GRSF1: variants seen among roughly 807,000 people sequenced by gnomAD.
The protein encoded by GRSF1 is G-rich sequence factor 1.
Under a neutral mutation model 51.1 loss-of-function variants are expected in GRSF1, and 50 were observed. That is an observed-to-expected ratio of 0.98 (90% CI 0.78 to 1.24). The LOEUF is 1.24. Among genes scored for constraint, GRSF1 ranks in the 50% most tolerant of loss-of-function variants. The probability of loss-of-function intolerance (pLI) is 0.00; values close to 1 mark genes in which losing one functional copy is unlikely to be tolerated. For missense variants in GRSF1, 700 were observed against 639.7 expected (o/e 1.09, Z -1.02); for synonymous variants, 293 against 253.3 (o/e 1.16, Z -1.49).
At chr4:70,829,418 G>A (rs939395545) in intron 5 of GRSF1, among the ~76,000 whole-genome samples, 2 of 151,810 alleles carry the variant, frequency 1.3e-5, no homozygotes, top group Non-Finnish European at 2.9e-5. Context: ...TACTTTGGGA[G>A]GCTGAGGCAG....
intron 6 of GRSF1, among the ~76,000 whole-genome samples, chr4:70,827,643 C>T (rs140948832): frequency 0.011 from 1,603 of 151,646 alleles, 12 homozygotes; most frequent in Non-Finnish European, 0.016. Context: ...CTGCGCGTGG[C>T]GGCATGCGCC....
chr4:70,842,499 G>A (rs1734479132), upstream of GRSF1, among the ~76,000 whole-genome samples: 1 of 152,082 alleles, frequency 6.6e-6, no homozygotes. Context: ...GCAGTGGTGG[G>A]AATATGACTC....
chr4:70,823,706 C>CA (rs1733615200), intron 9 of GRSF1, among the ~76,000 whole-genome samples: 1 of 151,572 alleles, frequency 6.6e-6, no homozygotes, highest in African/African-American at 2.4e-5. Context: ...CCCATCTCTA[C>CA]AAAAAATTAA....
Position 70,834,763 on chromosome 4 carries a change from G to A in GRSF1, c.514+1395C>T, listed in dbSNP as rs973586344. 1.3e-4 allele frequency among the ~76,000 whole-genome samples: 20 copies of A among 152,060 alleles called. 1 individual carries two copies. The South Asian group carries it at 3.5e-3, about 27-fold the overall frequency. ...CAGCCTCCCAGGTAGCTGGGACTAC[G>A]GGAGCGTGCCACCACGCCCGGCTAA... On this transcript the variant is annotated intron_variant, in intron 2 of 9. Coordinates refer to ENST00000254799, the MANE Select transcript of GRSF1 (RefSeq NM_002092.4).
At chr4:70,822,265 A>T (rs889301402) in intron 9 of GRSF1, among the ~76,000 whole-genome samples, 1 of 152,140 alleles carries the variant, frequency 6.6e-6, no homozygotes, top group African/African-American at 2.4e-5. Flanking sequence ...CTGGTTTCAC[A>T]TGGTATCCTT....
chr4:70,839,898 A>C (rs368076916), upstream of GRSF1: 26 of 1,279,140 alleles, frequency 2.0e-5, no homozygotes, highest in Non-Finnish European at 1.7e-5. Flanking sequence ...AGTGGAATCC[A>C]GGGCCGGTTG....
At chr4:70,825,237 A>C in intron 8 of GRSF1, 59 bp downstream of exon 8, 1 of 1,418,552 alleles carries the variant, frequency 7.0e-7, no homozygotes, top group Non-Finnish European at 9.7e-7. Context: ...ACAGAAAAAG[A>C]TATTTGTAAG....
upstream of GRSF1, among the ~76,000 whole-genome samples, chr4:70,841,311 T>G (rs1734452553): frequency 6.6e-6 from 1 of 152,090 alleles, no homozygotes; most frequent in African/African-American, 2.4e-5. Flanking sequence ...ACATATATAT[T>G]TATTATGTAC....
rs776187820 is a variant in GRSF1, at chr4:70,824,395, T to C, written c.1394-27A>G. ...TGAGGATAATGAGAAAGATTAGTTT[T>C]AAAAAGTTGAAAAGGTAGAAAAATA... On this transcript the variant is annotated intron_variant, in intron 8 of 9. Transcript: ENST00000254799. 6.6e-6 allele frequency: 8 copies of C among 1,220,962 alleles called. 1 individual carries two copies. Among genetic ancestry groups the C allele is most frequent in the Non-Finnish European group, 8.3e-6 (7 of 842,050 alleles). 75.6% of individuals were successfully genotyped at this position (1,220,962 alleles called of 1,614,324 possible). A position where few individuals can be genotyped will look rare whatever the true frequency, so the allele number is the denominator to read the frequency against.
At position 70,816,011 on chromosome 4, in the gene GRSF1, TGAA is replaced by T. The variant is rs1733294852; in HGVS notation, c.*4873_*4875del. 1 of 152,284 alleles carries T rather than the reference TGAA, an allele frequency of 6.6e-6. No homozygotes were observed. The highest frequency in any genetic ancestry group is 1.5e-5 in the Non-Finnish European group (1 of 68,018). 9.4% of individuals were successfully genotyped at this position (152,284 alleles called of 1,614,324 possible). ...ATACTGCATAAGTGAGTCCGTTATA[TGAA>T]GTTCTAGAATAGGCAAAATTAATCT... On this transcript the variant is annotated 3_prime_UTR_variant, in exon 10 of 10. Transcript: ENST00000254799.
At chr4:70,828,281 T>C (rs1252393372) in intron 5 of GRSF1, among the ~76,000 whole-genome samples, 1 of 152,246 alleles carries the variant, frequency 6.6e-6, no homozygotes, top group African/African-American at 2.4e-5. Flanking sequence ...ATTTTAATAA[T>C]ATTTTCTACT....
At chr4:70,831,708 G>C (rs367911785) in intron 4 of GRSF1, 34 bp from the exon 5 acceptor site, 38 of 1,574,034 alleles carry the variant, frequency 2.4e-5, no homozygotes, top group Non-Finnish European at 3.0e-5. Flanking sequence ...GCTACTAGCA[G>C]GCTTTTTTAT....
chr4:70,836,895 A>G (rs538556954), intron 1 of GRSF1, among the ~76,000 whole-genome samples: 29 of 152,332 alleles, frequency 1.9e-4, no homozygotes, highest in Middle Eastern at 3.4e-3. Context: ...GCCCATTTGA[A>G]TAACAGCAAT....
chr4:70,825,976 A>C (rs544557826), intron 7 of GRSF1, 148 bp downstream of exon 7: 107 of 667,860 alleles, frequency 1.6e-4, no homozygotes, highest in Non-Finnish European at 2.2e-4. Context: ...ACAGAAAAAG[A>C]AGCAAGCTTT....
In GRSF1 at chr4:70,820,171, GA is replaced by G. The variant is rs1384252168; in HGVS notation, c.*715del. Reference sequence around the variant, plus strand: ...AAAAAAGCCAGGGAGGGACAGTTTAGACAACTTTTAAGTTAAGACTAGAATG... The same window carrying G: ...AAAAAAGCCAGGGAGGGACAGTTTAGCAACTTTTAAGTTAAGACTAGAATG... On this transcript the variant is annotated 3_prime_UTR_variant, in exon 10 of 10. Transcript: ENST00000254799. 1.3e-5 allele frequency: 2 copies of G among 152,224 alleles called. No homozygotes were observed. Among genetic ancestry groups the G allele is most frequent in the African/African-American group, 4.8e-5 (2 of 41,434 alleles). 9.4% of individuals were successfully genotyped at this position (152,224 alleles called of 1,614,324 possible). A position where few individuals can be genotyped will look rare whatever the true frequency, so the allele number is the denominator to read the frequency against.
chr4:70,816,739 C>A lies in GRSF1; in HGVS notation c.*4148G>T, dbSNP rs1733324887. 6.6e-6 allele frequency: 1 copy of A among 152,044 alleles called. No individual in the cohort carries two copies. The highest frequency in any genetic ancestry group is 2.4e-5 in the African/African-American group (1 of 41,408). The allele number at this position is 152,044 out of a possible 1,614,324, so 9.4% of individuals were successfully genotyped here. On this transcript the variant is annotated 3_prime_UTR_variant, in exon 10 of 10. Coordinates refer to ENST00000254799, the MANE Select transcript of GRSF1 (RefSeq NM_002092.4). The stretch of plus-strand genomic sequence containing the variant: ...CTGTCTCAAACACAAAAAACAAAAA[C>A]AAAAACAAATTCCCATGACATGTAT...
intron 2 of GRSF1, among the ~76,000 whole-genome samples, chr4:70,835,078 G>A (rs1359595911): frequency 2.6e-5 from 4 of 152,064 alleles, no homozygotes; most frequent in African/African-American, 9.7e-5. Flanking sequence ...GTTTGCTTAG[G>A]ATAATGGTCT....
intron 1 of GRSF1, chr4:70,838,964 G>T: frequency 2.6e-6 from 1 of 385,400 alleles, no homozygotes. Context: ...GATGGGGACA[G>T]GCTCCTTCCC....
At position 70,817,787 on chromosome 4, in the gene GRSF1, AG is replaced by A. The variant is rs1733368059; in HGVS notation, c.*3099del. ...TATTTACCCAAAGGAGCTGAAAACG[AG>A]TCTACACAAAAACCTGCACATAAAT... On this transcript the variant is annotated 3_prime_UTR_variant, in exon 10 of 10. Transcript: ENST00000254799. The A allele has an allele frequency of 6.6e-6, 1 of 151,376 alleles. No individual in the cohort carries two copies. The highest frequency in any genetic ancestry group is 2.4e-5 in the African/African-American group (1 of 41,168). The allele number at this position is 151,376 out of a possible 1,614,324, so 9.4% of individuals were successfully genotyped here.
Sources: gnomAD v4.1 joint callset for allele counts (sites outside exome capture counted in the v4.1 genomes callset) on GRCh38, gnomAD v4.1.1 for gene constraint, MANE v1.5 for transcripts, NCBI Gene and HGNC (gene_info 2026-07-23, HGNC 2026-07-21) for gene names.